The following P2RX6 variants were observed in gnomAD, a reference collection of about 807,000 sequenced individuals.
P2RX6 encodes the protein P2X purinoceptor 6.
In P2RX6, 62 loss-of-function variants were observed where a neutral mutation model predicts 54.2. That is an observed-to-expected ratio of 1.14 (90% CI 0.93 to 1.41). The LOEUF is 1.41. Ranked by LOEUF, P2RX6 falls within the 40% of genes most tolerant of loss-of-function variation. The pLI is 0.00. For synonymous variants in P2RX6, 211 were observed against 231.9 expected (o/e 0.91, Z 0.82); for missense variants, 541 against 566.3 (o/e 0.96, Z 0.45).
chr22:21,011,652 C>A (rs1055214089), upstream of P2RX6: 3 of 695,928 alleles, frequency 4.3e-6, no homozygotes, highest in East Asian at 5.4e-5. Flanking sequence ...CCCCCTCCCC[C>A]CTCTTCTGCC....
chr22:21,016,579 A>C (rs1601748178), intron 2 of P2RX6, among the ~76,000 whole-genome samples: 1 of 115,388 alleles, frequency 8.7e-6, no homozygotes. Context: ...GCAAAGCGAG[A>C]CTCTGTCTCA....
At chr22:21,009,799 G>A (rs1339168443), upstream of P2RX6, 1 of 158,608 alleles carries the variant, frequency 6.3e-6, no homozygotes, top group Non-Finnish European at 1.4e-5. Flanking sequence ...TCCCTGCACA[G>A]AAGCAAGGAC....
At chr22:21,025,942 C>T in intron 9 of P2RX6, 44 bp downstream of exon 9, 1 of 1,580,108 alleles carries the variant, frequency 6.3e-7, no homozygotes, top group South Asian at 1.1e-5. Context: ...ATGGGGCAGG[C>T]AGACAGGGCT....
chr22:21,024,150 G>A (rs1927977042), intron 8 of P2RX6, among the ~76,000 whole-genome samples: 1 of 150,624 alleles, frequency 6.6e-6, no homozygotes, highest in African/African-American at 2.5e-5. Context: ...ATAGAGATGG[G>A]TTTTCACAAT....
chr22:21,019,596 G>A (rs1927008058), intron 3 of P2RX6, among the ~76,000 whole-genome samples: 1 of 152,276 alleles, frequency 6.6e-6, no homozygotes, highest in Admixed American at 6.5e-5. Flanking sequence ...TTACAGGCGT[G>A]AGCCTGCCGA....
intron 2 of P2RX6, 188 bp from the exon 3 acceptor site, chr22:21,017,801 C>CA: frequency 1.5e-6 from 1 of 677,100 alleles, no homozygotes. Flanking sequence ...GGGCACAAGG[C>CA]TTCCTGGTCT....
At chr22:21,022,188 C>G (rs1927518894) in intron 3 of P2RX6, among the ~76,000 whole-genome samples, 2 of 151,932 alleles carry the variant, frequency 1.3e-5, no homozygotes, top group Admixed American at 6.6e-5. Context: ...GTCAACATAG[C>G]AAGACTCCAT....
chr22:21,023,269 T>C lies in P2RX6; in HGVS notation c.639-6T>C. 1.9e-6 allele frequency: 3 copies of C among 1,614,000 alleles called. No homozygotes were observed. Among genetic ancestry groups the C allele is most frequent in the Non-Finnish European group, 2.5e-6 (3 of 1,179,874 alleles). ...TACCTCATCTGACCTTTCCCACTCC[T>C]CCCAGGTCCAATGCCTTGGAGACCT... On this transcript the variant is annotated splice_polypyrimidine_tract_variant and splice_region_variant and intron_variant, in intron 6 of 11. Coordinates refer to ENST00000413302, the MANE Select transcript of P2RX6 (RefSeq NM_005446.5).
intron 2 of P2RX6, 183 bp from the exon 3 acceptor site, chr22:21,017,806 T>C (rs1230336100): frequency 5.9e-6 from 4 of 682,340 alleles, no homozygotes; most frequent in African/African-American, 3.5e-5. Flanking sequence ...CAAGGCTTCC[T>C]GGTCTCAAAA....
chr22:21,025,719 T>C, intron 8 of P2RX6, 86 bp from the exon 9 acceptor site: 1 of 939,904 alleles, frequency 1.1e-6, no homozygotes, highest in Non-Finnish European at 1.7e-6. Flanking sequence ...TAGAGTCAAT[T>C]GACAAGTTGG....
intron 9 of P2RX6, 42 bp downstream of exon 9, chr22:21,025,940 G>A: frequency 6.3e-7 from 1 of 1,581,238 alleles, no homozygotes; most frequent in Non-Finnish European, 8.6e-7. Context: ...GGATGGGGCA[G>A]GCAGACAGGG....
upstream of P2RX6, chr22:21,012,545 TG>T (rs3838148): frequency 0.026 from 16,244 of 618,474 alleles, 991 homozygotes; most frequent in East Asian, 0.13. Context: ...CTGCTGCTTT[TG>T]CTCAGGGCAC....
At chr22:21,018,851 G>GA (rs1799513997) in intron 3 of P2RX6, 1 of 151,158 alleles carries the variant, frequency 6.6e-6, no homozygotes, top group Non-Finnish European at 1.5e-5. Flanking sequence ...TCCATCTCCT[G>GA]ACCTCATGAT....
At chr22:21,011,822 G>A (rs1238508663), upstream of P2RX6, among the ~76,000 whole-genome samples, 2 of 152,086 alleles carry the variant, frequency 1.3e-5, no homozygotes, top group Non-Finnish European at 2.9e-5. Flanking sequence ...GGTTAAAACT[G>A]CCTACCTCCT....
At chr22:21,012,563 G>C (rs748978031), upstream of P2RX6, 1 of 621,416 alleles carries the variant, frequency 1.6e-6, no homozygotes, top group Non-Finnish European at 3.0e-6. Context: ...GCACCTGCCA[G>C]GGCCTCTGTA....
intron 8 of P2RX6, among the ~76,000 whole-genome samples, chr22:21,024,631 C>T (rs1017553973): frequency 6.6e-6 from 1 of 151,622 alleles, no homozygotes; most frequent in Non-Finnish European, 1.5e-5. Flanking sequence ...AATGCAATGG[C>T]GTGGTCTTGG....
chr22:21,016,202 C>A, intron 2 of P2RX6, 110 bp downstream of exon 2: 1 of 1,141,394 alleles, frequency 8.8e-7, no homozygotes, highest in Non-Finnish European at 1.2e-6. Flanking sequence ...ATGCCAGAGA[C>A]GGCTGCGGGT....
At position 21,026,036 on chromosome 22, in the gene P2RX6, C is replaced by T. The variant is rs141928997; in HGVS notation, c.1010C>T (p.Thr337Met). 2.7e-5 allele frequency: 44 copies of T among 1,611,868 alleles called. 1 individual carries two copies. Among genetic ancestry groups the T allele is most frequent in the African/African-American group, 1.7e-4 (13 of 74,914 alleles). Reference sequence around the variant, plus strand: ...GCAGGGAAGTTCGGGCTCATCCCCACGGCCGTCACACTGGGCACCGGGGCA... The same window carrying T: ...GCAGGGAAGTTCGGGCTCATCCCCATGGCCGTCACACTGGGCACCGGGGCA... ...GQAGKFGLIP[T>M]AVTLGTGAAW... The change falls in exon 10 of 12, where the codon ACG (threonine) becomes ATG (methionine). Residue 337 changes from threonine to methionine, a missense_variant. By Grantham distance (81) the Thr-to-Met change is moderately conservative. Around this residue, in one of 2 missense-constraint regions of P2RX6, gnomAD observed 526 missense variants for 531.5 expected, o/e 0.99. Coordinates refer to ENST00000413302, the MANE Select transcript of P2RX6 (RefSeq NM_005446.5). This position sits in a 1 kb window ranked among gnomAD's most constrained non-coding sequence, Gnocchi z 4.0.
intron 1 of P2RX6, 52 bp downstream of exon 1, chr22:21,015,390 G>C (rs1465356201): frequency 6.6e-7 from 1 of 1,514,780 alleles, no homozygotes; most frequent in East Asian, 2.6e-5. Context: ...AAGAGGTGGG[G>C]GGTGGGGCTT....
Sources: allele counts gnomAD v4.1 joint callset (sites outside exome capture counted in the v4.1 genomes callset), GRCh38; gene constraint gnomAD v4.1.1; regional missense constraint gnomAD v4.1.1; non-coding constraint Gnocchi (gnomAD v3.1); transcripts MANE v1.5; gene names NCBI Gene and HGNC (gene_info 2026-07-23, HGNC 2026-07-21).